PTPRJ: variants seen among roughly 807,000 people sequenced by gnomAD.
The protein encoded by PTPRJ is receptor-type tyrosine-protein phosphatase eta.
Under a neutral mutation model 141.3 loss-of-function variants are expected in PTPRJ, and 129 were observed. The observed-to-expected ratio is 0.91, with a 90% CI of 0.79 to 1.06. The LOEUF (loss-of-function observed/expected upper bound fraction) is 1.06, where lower values mean the gene tolerates loss of function less well. PTPRJ is among the 50% of genes least tolerant of loss of function. The pLI, the probability that PTPRJ is intolerant of heterozygous loss-of-function variation, is 0.00. For synonymous variants in PTPRJ, 610 were observed against 640.5 expected, an observed-to-expected ratio of 0.95 and a Z score of 0.72; for missense variants, 1,601 against 1,679.7, an observed-to-expected ratio of 0.95 and a Z score of 0.82.
At chr11:48,040,519 T>C (rs1479919721) in intron 1 of PTPRJ, among the ~76,000 whole-genome samples, 1 of 152,198 alleles carries the variant, frequency 6.6e-6, no homozygotes, top group Admixed American at 6.5e-5. Context: ...CCGTCAAAAA[T>C]TATTTTTTGG....
intron 1 of PTPRJ, among the ~76,000 whole-genome samples, chr11:47,988,796 G>T (rs1175113713): frequency 6.6e-6 from 1 of 151,500 alleles, no homozygotes; most frequent in Admixed American, 6.6e-5. Flanking sequence ...TAGGTTTGGA[G>T]AGTGTCTGTT....
chr11:48,041,426 A>G (rs967123213), intron 1 of PTPRJ, among the ~76,000 whole-genome samples: 7 of 152,324 alleles, frequency 4.6e-5, no homozygotes, highest in African/African-American at 1.7e-4. Flanking sequence ...TAACCCACGT[A>G]GAATTCCCAG....
chr11:47,999,863 C>CTTTTTTTTTTTTTTTT (rs1209647054), intron 1 of PTPRJ, among the ~76,000 whole-genome samples: 9 of 136,280 alleles, frequency 6.6e-5, no homozygotes, highest in African/African-American at 2.7e-4. Context: ...CGAGATTCTT[C>CTTTTTTTTTTTTTTTT]TTTTTTTTTT....
intron 14 of PTPRJ, among the ~76,000 whole-genome samples, chr11:48,146,372 C>T (rs1045881446): frequency 2.6e-5 from 4 of 152,192 alleles, no homozygotes; most frequent in African/African-American, 9.6e-5. Context: ...GTCTGCTTTT[C>T]TTTCCTAGTT....
chr11:48,081,851 CTGT>C (rs1044752693), intron 1 of PTPRJ, among the ~76,000 whole-genome samples: 22 of 152,236 alleles, frequency 1.4e-4, no homozygotes, highest in African/African-American at 5.3e-4. Context: ...ACACAGGGCT[CTGT>C]TGTTGGGCTG....
At chr11:48,061,174 C>T (rs1854911931) in intron 1 of PTPRJ, among the ~76,000 whole-genome samples, 1 of 152,142 alleles carries the variant, frequency 6.6e-6, no homozygotes, top group South Asian at 2.1e-4. Context: ...CAGGATTTCA[C>T]TATGTTGGCC....
At chr11:48,025,145 C>T (rs1461306891) in intron 1 of PTPRJ, among the ~76,000 whole-genome samples, 1 of 152,136 alleles carries the variant, frequency 6.6e-6, no homozygotes, top group African/African-American at 2.4e-5. Flanking sequence ...GGGGGGCATA[C>T]ATCTAAGCTA....
In PTPRJ at chr11:48,144,841, A is replaced by G. The variant is rs1284190275; in HGVS notation, c.2742A>G (p.Thr914=). Residue 914 remains threonine, a synonymous_variant, in exon 13 of 25, where the codon ACA becomes ACG. Transcript: ENST00000418331. ...TTGACGTTGGGAATGAGTCAACCAC[A>G]CTTGGTTATTACAATGGGAAGCTGG... ...YEIDVGNEST[T]LGYYNGKLEP... is the part of the protein sequence containing the mutation. The G allele has an allele frequency of 1.2e-6, 2 of 1,614,144 alleles. No homozygotes were observed. The highest frequency in any genetic ancestry group is 3.3e-5 in the Admixed American group (2 of 60,022).
chr11:48,059,110 CTTTTTTTT>C lies in PTPRJ; in HGVS notation c.97-50929_97-50922del, dbSNP rs917350262. Among the ~76,000 whole-genome samples the C allele has an allele frequency of 5.9e-5, 6 of 102,146 alleles. 1 individual carries two copies. Among genetic ancestry groups the C allele is most frequent in the African/African-American group, 1.3e-4 (3 of 23,582 alleles). 67.0% of individuals were successfully genotyped at this position (102,146 alleles called of 152,430 possible). ...CTGATCGCTCCCTACTGTGCTGTGCCTTTTTTTTTTTTTTTTTTTTTTTTTTGAGGCAG... is the reference window on the plus strand; with the variant it reads ...CTGATCGCTCCCTACTGTGCTGTGCCTTTTTTTTTTTTTTTTTTGAGGCAG... On this transcript the variant is annotated intron_variant, in intron 1 of 24. Coordinates refer to ENST00000418331, the MANE Select transcript of PTPRJ (RefSeq NM_002843.4).
intron 1 of PTPRJ, 126 bp downstream of exon 1, chr11:47,981,134 C>T (rs1386448976): frequency 4.0e-6 from 4 of 1,001,202 alleles, no homozygotes; most frequent in Admixed American, 4.8e-5. Context: ...ATCCCCGGAT[C>T]CCCGGAAGGC....
At chr11:48,089,517 A>C (rs1223746745) in intron 1 of PTPRJ, among the ~76,000 whole-genome samples, 3 of 14,298 alleles carry the variant, frequency 2.1e-4, no homozygotes, top group Admixed American at 1.4e-3. Flanking sequence ...CTCCATCTCA[A>C]AAAAAAAAAA....
At chr11:47,987,444 G>A (rs908300119) in intron 1 of PTPRJ, among the ~76,000 whole-genome samples, 7 of 152,210 alleles carry the variant, frequency 4.6e-5, no homozygotes, top group African/African-American at 1.7e-4. Flanking sequence ...TGGGGGACAG[G>A]CACTGAGCAG....
At chr11:48,091,555 T>C (rs994335161) in intron 1 of PTPRJ, among the ~76,000 whole-genome samples, 5 of 152,184 alleles carry the variant, frequency 3.3e-5, no homozygotes, top group Admixed American at 2.0e-4. Flanking sequence ...ACAATTACTG[T>C]CTGCTTAAAG....
chr11:48,118,450 G>T (rs1856622930), intron 3 of PTPRJ, among the ~76,000 whole-genome samples: 1 of 152,138 alleles, frequency 6.6e-6, no homozygotes, highest in African/African-American at 2.4e-5. Context: ...GAGGAGGAGA[G>T]AATACTTCCA....
chr11:48,020,276 A>G (rs1855080276), intron 1 of PTPRJ, among the ~76,000 whole-genome samples: 1 of 152,176 alleles, frequency 6.6e-6, no homozygotes, highest in African/African-American at 2.4e-5. Context: ...GTGGTAGGCA[A>G]ATGTCAGAAC....
At chr11:48,113,061 C>A in intron 3 of PTPRJ, 78 bp downstream of exon 3, 1 of 1,248,596 alleles carries the variant, frequency 8.0e-7, no homozygotes, top group South Asian at 1.5e-5. Flanking sequence ...TTTCCAAATA[C>A]TGTTCTTCTT....
chr11:48,157,540 G>A lies in PTPRJ; in HGVS notation c.3438+1421G>A, dbSNP rs148981006. Among the ~76,000 whole-genome samples, 524 of 152,324 alleles carry A rather than the reference G, an allele frequency of 3.4e-3. 8 individuals are homozygous for A. Among genetic ancestry groups the A allele is most frequent in the South Asian group, 0.019 (93 of 4,830 alleles). On this transcript the variant is annotated intron_variant, in intron 21 of 24. Transcript: ENST00000418331. ...CTCAGAGTTTCTAATTCGGAATTGC[G>A]TTTCTGCCAGTTTCTGGGTGATTCT...
rs188129431 is a variant in PTPRJ at position 48,042,761 on chromosome 11, T to G, written c.96+61753T>G. On this transcript the variant is annotated intron_variant, in intron 1 of 24. Coordinates refer to ENST00000418331, the MANE Select transcript of PTPRJ (RefSeq NM_002843.4). ...TTTTGCCTGTGTGTGTGTGTAGGGG[T>G]GTGTGTGTGTGTGTGTGTGTGTGTG... Among the ~76,000 whole-genome samples, 467 of 135,548 alleles carry G rather than the reference T, an allele frequency of 3.4e-3. 3 individuals are homozygous for G. Among genetic ancestry groups the G allele is most frequent in the African/African-American group, 0.01 (367 of 35,636 alleles). The allele number at this position is 135,548 out of a possible 152,430, so 88.9% of individuals were successfully genotyped here.
At chr11:48,026,390 C>T (rs1199236140) in intron 1 of PTPRJ, among the ~76,000 whole-genome samples, 1 of 152,176 alleles carries the variant, frequency 6.6e-6, no homozygotes, top group Non-Finnish European at 1.5e-5. Context: ...CAAGGCAATA[C>T]CTAAAACCCT....
Sources: allele counts gnomAD v4.1 joint callset (sites outside exome capture counted in the v4.1 genomes callset), GRCh38; gene constraint gnomAD v4.1.1; transcripts MANE v1.5; gene names NCBI Gene and HGNC (gene_info 2026-07-23, HGNC 2026-07-21).